Variants in ABLIM1 observed in about 807,000 individuals in gnomAD.
ABLIM1 encodes the protein actin binding LIM protein 1, also known as actin-binding LIM protein 1.
In ABLIM1, 40 loss-of-function variants were observed where a neutral mutation model predicts 107.0. The ratio of observed to expected loss-of-function variants is 0.37; its 90% CI spans 0.29 to 0.49. The LOEUF is 0.49. Among genes scored for constraint, ABLIM1 ranks in the 20% least tolerant of loss-of-function variants. The pLI is 0.97. For synonymous variants in ABLIM1, 357 were observed against 357.3 expected (o/e 1.00, Z 0.01); for missense variants, 857 against 1,008.5 (o/e 0.85, Z 2.04).
intron 1 of ABLIM1, among the ~76,000 whole-genome samples, chr10:114,618,899 G>A (rs1344213664): frequency 6.6e-6 from 1 of 152,138 alleles, no homozygotes; most frequent in African/African-American, 2.4e-5. Context: ...TGGCAGGGAT[G>A]GCCTTTCCCT....
the ABLIM1 span, among the ~76,000 whole-genome samples, chr10:114,783,600 G>T: frequency 6.6e-6 from 1 of 151,908 alleles, no homozygotes; most frequent in Non-Finnish European, 1.5e-5. Context: ...GGGGAGTTAA[G>T]ATAGAAAGAA....
chr10:114,506,782 G>A (rs2135827287), intron 6 of ABLIM1, among the ~76,000 whole-genome samples: 1 of 152,292 alleles, frequency 6.6e-6, no homozygotes, highest in African/African-American at 2.4e-5. Flanking sequence ...CTCCCATTGT[G>A]TAGCTTGTCT....
chr10:114,692,642 A>T (rs1205413491), intron 1 of ABLIM1, among the ~76,000 whole-genome samples: 8 of 152,238 alleles, frequency 5.3e-5, no homozygotes, highest in African/African-American at 1.9e-4. Context: ...CTGTAATCCC[A>T]GCACTTTGGG....
intron 4 of ABLIM1, among the ~76,000 whole-genome samples, chr10:114,569,291 A>C (rs1264990867): frequency 6.6e-6 from 1 of 152,038 alleles, no homozygotes; most frequent in Non-Finnish European, 1.5e-5. Context: ...TGGAACTCAT[A>C]AAAATCATAA....
At chr10:114,503,721 C>T (rs929212230) in intron 6 of ABLIM1, among the ~76,000 whole-genome samples, 3 of 152,128 alleles carry the variant, frequency 2.0e-5, no homozygotes, top group Non-Finnish European at 4.4e-5. Context: ...ATCATATTAA[C>T]AGCACTTTGC....
chr10:114,735,095 T>A (rs537310291), intron 1 of ABLIM1, among the ~76,000 whole-genome samples: 3 of 152,184 alleles, frequency 2.0e-5, no homozygotes, highest in Non-Finnish European at 4.4e-5. Context: ...TTCAAAGGTT[T>A]ACAAAGACAA....
intron 6 of ABLIM1, among the ~76,000 whole-genome samples, chr10:114,516,383 C>A (rs982908537): frequency 3.9e-5 from 6 of 151,968 alleles, no homozygotes; most frequent in Non-Finnish European, 8.8e-5. Flanking sequence ...AATTAGCCAA[C>A]CATGGTAGTG....
chr10:114,580,068 C>T (rs1309258141), intron 2 of ABLIM1, among the ~76,000 whole-genome samples: 3 of 151,948 alleles, frequency 2.0e-5, no homozygotes, highest in Non-Finnish European at 4.4e-5. Context: ...AGTAGAGATG[C>T]AGATGACTTC....
At chr10:114,474,775 T>C (rs1184706834) in intron 8 of ABLIM1, among the ~76,000 whole-genome samples, 2 of 152,208 alleles carry the variant, frequency 1.3e-5, no homozygotes, top group Non-Finnish European at 2.9e-5. Flanking sequence ...ACGTTTCACC[T>C]TGAATTGTAA....
chr10:114,585,291 T>C (rs1164480313), intron 2 of ABLIM1, among the ~76,000 whole-genome samples: 1 of 152,144 alleles, frequency 6.6e-6, no homozygotes, highest in East Asian at 1.9e-4. Context: ...CGACCATACA[T>C]ACATGGATGA....
chr10:114,496,164 C>T (rs1214671713), intron 6 of ABLIM1, among the ~76,000 whole-genome samples: 1 of 152,180 alleles, frequency 6.6e-6, no homozygotes, highest in African/African-American at 2.4e-5. Context: ...GTTCTATTAA[C>T]TCACAAGATG....
At chr10:114,439,059 T>C (rs374319930) in intron 21 of ABLIM1, 117 bp downstream of exon 21, 13 of 1,234,132 alleles carry the variant, frequency 1.1e-5, no homozygotes, top group Non-Finnish European at 1.5e-5. Flanking sequence ...ATTCATGACA[T>C]GGCTCACCTG....
chr10:114,643,082 T>A (rs894498564), intron 1 of ABLIM1, among the ~76,000 whole-genome samples: 1 of 152,020 alleles, frequency 6.6e-6, no homozygotes, highest in East Asian at 1.9e-4. Context: ...GAAAACAACA[T>A]CCAGCCAATT....
At chr10:114,685,409 CT>C (rs202245882), upstream of ABLIM1, among the ~76,000 whole-genome samples, 31 of 152,322 alleles carry the variant, frequency 2.0e-4, no homozygotes, top group East Asian at 5.2e-3. Flanking sequence ...AATCAATCCA[CT>C]GGAAAACAAG....
At chr10:114,516,473 G>A (rs756444137) in intron 6 of ABLIM1, among the ~76,000 whole-genome samples, 7 of 152,162 alleles carry the variant, frequency 4.6e-5, no homozygotes, top group Non-Finnish European at 7.4e-5. Context: ...GCAGTGAGCC[G>A]AGATCGCATC....
intron 6 of ABLIM1, among the ~76,000 whole-genome samples, chr10:114,513,012 T>C (rs2062168658): frequency 6.6e-6 from 1 of 152,130 alleles, no homozygotes; most frequent in African/African-American, 2.4e-5. Context: ...ACTTACACTA[T>C]AGTCAAGAAG....
chr10:114,465,803 T>C lies in ABLIM1; in HGVS notation c.1336A>G (p.Met446Val). Residue 446 changes from methionine (M) to valine (V), a missense_variant, in exon 12 of 23, where the codon ATG (methionine) becomes GTG (valine). Physicochemically the swap from Met to Val is conservative, Grantham distance 21. Around this residue, in one of 5 missense-constraint regions of ABLIM1, gnomAD observed 381 missense variants for 506.9 expected, o/e 0.75. Coordinates refer to ENST00000533213, the MANE Select transcript of ABLIM1 (RefSeq NM_002313.7). ...AEGYQDVRDR[M>V]IHRSTSQGSI... ...CCCTGGCTCGTGGACCGATGGATCATCCGATCCCGAACATCCTGGTACCCC... is the reference window on the plus strand; with the variant it reads ...CCCTGGCTCGTGGACCGATGGATCACCCGATCCCGAACATCCTGGTACCCC... 2 of 1,614,036 alleles carry C rather than the reference T, an allele frequency of 1.2e-6. No homozygotes were observed. Among genetic ancestry groups the C allele is most frequent in the Non-Finnish European group, 1.7e-6 (2 of 1,179,978 alleles).
chr10:114,743,662 T>C (rs1275419057), intron 1 of ABLIM1, among the ~76,000 whole-genome samples: 3 of 152,186 alleles, frequency 2.0e-5, no homozygotes, highest in Non-Finnish European at 4.4e-5. Flanking sequence ...TGTTAGTCAA[T>C]AGTATATTTC....
chr10:114,585,680 TCTC>T (rs1447799822), intron 2 of ABLIM1, among the ~76,000 whole-genome samples: 2 of 152,088 alleles, frequency 1.3e-5, no homozygotes, highest in African/African-American at 4.8e-5. Flanking sequence ...CTCCAGTCAA[TCTC>T]CTCAGCACCC....
Sources: gnomAD v4.1 joint callset for allele counts (sites outside exome capture counted in the v4.1 genomes callset) on GRCh38, gnomAD v4.1.1 for gene constraint, gnomAD v4.1.1 regional missense constraint, MANE v1.5 for transcripts, NCBI Gene and HGNC (gene_info 2026-07-23, HGNC 2026-07-21) for gene names.